CACNA2D3: variants seen among roughly 807,000 people sequenced by gnomAD.
CACNA2D3 encodes voltage-dependent calcium channel subunit alpha-2/delta-3.
In CACNA2D3, 60 loss-of-function variants were observed where a neutral mutation model predicts 160.6. The observed-to-expected ratio is 0.37, with a 90% CI of 0.30 to 0.46. CACNA2D3 has a LOEUF of 0.46. Ranked by LOEUF, CACNA2D3 falls within the 20% of genes least tolerant of loss-of-function variation. The pLI, the probability that CACNA2D3 is intolerant of heterozygous loss-of-function variation, is 1.00. For missense variants in CACNA2D3, 1,205 were observed against 1,365.0 expected (o/e 0.88, Z 1.85); for synonymous variants, 558 against 492.9 (o/e 1.13, Z -1.75).
intron 4 of CACNA2D3, among the ~76,000 whole-genome samples, chr3:54,441,372 G>T (rs1283882965): frequency 6.6e-6 from 1 of 152,148 alleles, no homozygotes; most frequent in African/African-American, 2.4e-5. Context: ...GTTCATTGTA[G>T]ATTCTGGATA....
intron 2 of CACNA2D3, among the ~76,000 whole-genome samples, chr3:54,174,084 A>G (rs1192309767): frequency 6.6e-6 from 1 of 152,222 alleles, no homozygotes; most frequent in Non-Finnish European, 1.5e-5. Flanking sequence ...GCAACTCTAT[A>G]TATTTGTAGC....
At chr3:54,561,231 T>A (rs1025997625) in intron 5 of CACNA2D3, among the ~76,000 whole-genome samples, 1 of 152,244 alleles carries the variant, frequency 6.6e-6, no homozygotes, top group Non-Finnish European at 1.5e-5. Flanking sequence ...TACATTTGTT[T>A]GTGTCATCTC....
Position 54,652,781 on chromosome 3 carries a change from G to A in CACNA2D3, c.1167+10540G>A, listed in dbSNP as rs550889152. Among the ~76,000 whole-genome samples, 11 of 109,988 alleles carry A rather than the reference G, an allele frequency of 1.0e-4. No individual in the cohort carries two copies. The South Asian group carries it at 3.8e-3, about 38-fold the overall frequency. The allele number at this position is 109,988 out of a possible 152,430, so 72.2% of individuals were successfully genotyped here. ...AAGGGGTTGGTGAGGAGCCATGGGA[G>A]GCTTTTTTTTTTTTTTTTTGAGACC... On this transcript the variant is annotated intron_variant, in intron 11 of 37. Transcript: ENST00000474759.
At chr3:54,875,840 C>A (rs1360563248) in intron 18 of CACNA2D3, 3 of 152,210 alleles carry the variant, frequency 2.0e-5, no homozygotes, top group Admixed American at 1.3e-4. Flanking sequence ...TGAGTATTTT[C>A]AGCTTGAGGA....
chr3:54,458,476 A>G (rs1027307124), intron 4 of CACNA2D3, among the ~76,000 whole-genome samples: 2 of 148,682 alleles, frequency 1.3e-5, no homozygotes, highest in East Asian at 4.0e-4. Flanking sequence ...CCCTTTTACT[A>G]CTTTGAATAT....
chr3:54,331,122 C>G (rs1029320789), intron 3 of CACNA2D3, among the ~76,000 whole-genome samples: 1 of 152,092 alleles, frequency 6.6e-6, no homozygotes, highest in African/African-American at 2.4e-5. Context: ...ACCTCTGTCC[C>G]CCAGGCCAAT....
intron 13 of CACNA2D3, among the ~76,000 whole-genome samples, chr3:54,775,367 T>C (rs1028201583): frequency 6.6e-6 from 1 of 152,200 alleles, no homozygotes; most frequent in African/African-American, 2.4e-5. Context: ...GTGGACCCTT[T>C]CATATAAAGC....
At chr3:54,625,028 C>T (rs1019519946) in intron 9 of CACNA2D3, among the ~76,000 whole-genome samples, 1 of 152,212 alleles carries the variant, frequency 6.6e-6, no homozygotes, top group African/African-American at 2.4e-5. Flanking sequence ...GGAGGACCTG[C>T]CATGCACTTG....
rs566974840 is a variant in CACNA2D3, at chr3:54,976,472, T to TA, written c.2556+6631dup. 6.6e-5 allele frequency among the ~76,000 whole-genome samples: 10 copies of TA among 152,188 alleles called. No individual in the cohort carries two copies. The South Asian group carries it at 1.7e-3, about 25-fold the overall frequency. ...CATTGTGCACATGTACCCTAAAACT[T>TA]AAAGTATAATAATAATAATTAAAAA... On this transcript the variant is annotated intron_variant, in intron 29 of 37. Transcript: ENST00000474759.
At chr3:54,643,971 G>A (rs1335926896) in intron 11 of CACNA2D3, among the ~76,000 whole-genome samples, 3 of 152,078 alleles carry the variant, frequency 2.0e-5, no homozygotes, top group African/African-American at 7.2e-5. Flanking sequence ...GAAAGTGAAG[G>A]GGAGTTTTAA....
chr3:54,846,492 A>T (rs1160721178), intron 17 of CACNA2D3, 25 bp downstream of exon 17: 1 of 1,441,024 alleles, frequency 6.9e-7, no homozygotes, highest in East Asian at 2.3e-5. Context: ...GTACTTCTGC[A>T]TTTCTGCTTT....
chr3:54,498,186 C>G (rs1160581704), intron 4 of CACNA2D3, among the ~76,000 whole-genome samples: 1 of 151,558 alleles, frequency 6.6e-6, no homozygotes, highest in Non-Finnish European at 1.5e-5. Flanking sequence ...TTGATAGAAT[C>G]CATCAGTTAA....
At chr3:54,374,603 G>C (rs1165928059) in intron 3 of CACNA2D3, among the ~76,000 whole-genome samples, 1 of 152,168 alleles carries the variant, frequency 6.6e-6, no homozygotes, top group Non-Finnish European at 1.5e-5. Context: ...CTTTCGTTCA[G>C]TGTTCCTCCT....
At chr3:54,942,946 C>T (rs1000582851) in intron 27 of CACNA2D3, among the ~76,000 whole-genome samples, 4 of 152,214 alleles carry the variant, frequency 2.6e-5, no homozygotes, top group African/African-American at 9.6e-5. Flanking sequence ...ATTGCTTGAA[C>T]CCAGGAGGCG....
chr3:54,742,641 A>G (rs1346975153), intron 11 of CACNA2D3, among the ~76,000 whole-genome samples: 1 of 152,032 alleles, frequency 6.6e-6, no homozygotes, highest in Non-Finnish European at 1.5e-5. Context: ...AGAGATTTCC[A>G]CTGAAAGCTG....
intron 5 of CACNA2D3, among the ~76,000 whole-genome samples, chr3:54,515,496 A>G (rs917375598): frequency 1.3e-5 from 2 of 152,224 alleles, no homozygotes; most frequent in African/African-American, 4.8e-5. Context: ...CCCAGGTGCT[A>G]GCTTTCTCTG....
At chr3:54,619,887 T>C (rs1486723180) in intron 9 of CACNA2D3, among the ~76,000 whole-genome samples, 1 of 152,184 alleles carries the variant, frequency 6.6e-6, no homozygotes, top group Non-Finnish European at 1.5e-5. Context: ...TCAGACTAAA[T>C]GGGAATATGA....
chr3:54,833,853 T>C (rs1268421058), intron 14 of CACNA2D3, among the ~76,000 whole-genome samples: 3 of 152,054 alleles, frequency 2.0e-5, no homozygotes, highest in African/African-American at 4.8e-5. Flanking sequence ...CTGGTATACA[T>C]AGGAAAGCCT....
At chr3:54,914,313 A>G (rs1427280032) in intron 27 of CACNA2D3, among the ~76,000 whole-genome samples, 1 of 152,220 alleles carries the variant, frequency 6.6e-6, no homozygotes, top group Middle Eastern at 3.2e-3. Context: ...GTCTGGGCTC[A>G]GCAGATAACT....
Sources: allele counts gnomAD v4.1 joint callset (sites outside exome capture counted in the v4.1 genomes callset), GRCh38; gene constraint gnomAD v4.1.1; transcripts MANE v1.5; gene names NCBI Gene and HGNC (gene_info 2026-07-23, HGNC 2026-07-21).